GRM5: variants seen among roughly 807,000 people sequenced by gnomAD.
The protein encoded by GRM5 is glutamate metabotropic receptor 5.
Under a neutral mutation model 83.1 loss-of-function variants are expected in GRM5, and 19 were observed. That is an observed-to-expected ratio of 0.23 (90% CI 0.16 to 0.34). The LOEUF is 0.34. Ranked by LOEUF, GRM5 falls within the 10% of genes least tolerant of loss-of-function variation. The pLI is 1.00. For synonymous variants in GRM5, 675 were observed against 633.6 expected (o/e 1.07, Z -0.98); for missense variants, 1,160 against 1,588.3 (o/e 0.73, Z 4.58).
intron 3 of GRM5, among the ~76,000 whole-genome samples, chr11:88,823,730 A>G (rs2135512211): frequency 6.6e-6 from 1 of 152,226 alleles, no homozygotes; most frequent in South Asian, 2.1e-4. Flanking sequence ...CCAACTGGAG[A>G]AGAGAACTTG....
intron 3 of GRM5, among the ~76,000 whole-genome samples, chr11:88,786,836 G>A (rs1453881566): frequency 6.6e-6 from 1 of 151,972 alleles, no homozygotes; most frequent in Non-Finnish European, 1.5e-5. Flanking sequence ...GAAGACAGGG[G>A]CTTCTGTTCG....
intron 7 of GRM5, among the ~76,000 whole-genome samples, chr11:88,576,601 T>C (rs1461929626): frequency 6.6e-6 from 1 of 152,142 alleles, no homozygotes; most frequent in African/African-American, 2.4e-5. Context: ...TTTTTTCATA[T>C]ATAAAATGAA....
At chr11:88,974,437 G>A (rs1470261644) in intron 2 of GRM5, among the ~76,000 whole-genome samples, 2 of 146,514 alleles carry the variant, frequency 1.4e-5, no homozygotes, top group African/African-American at 5.2e-5. Flanking sequence ...TGTATTTAGA[G>A]AGCCTAGCAC....
At chr11:88,948,367 C>G (rs1938347974) in intron 2 of GRM5, among the ~76,000 whole-genome samples, 1 of 152,190 alleles carries the variant, frequency 6.6e-6, no homozygotes, top group African/African-American at 2.4e-5. Context: ...AGACAGGTGG[C>G]TACAGTTTCA....
chr11:88,917,112 T>G (rs1402234209), intron 2 of GRM5, among the ~76,000 whole-genome samples: 4 of 152,204 alleles, frequency 2.6e-5, no homozygotes, highest in African/African-American at 7.2e-5. Context: ...GTGACACCCC[T>G]TCTCCAACTT....
At chr11:88,847,820 T>C (rs1944325207) in intron 3 of GRM5, among the ~76,000 whole-genome samples, 1 of 152,174 alleles carries the variant, frequency 6.6e-6, no homozygotes, top group Non-Finnish European at 1.5e-5. Context: ...GTTTATCATA[T>C]ACAAAATAGA....
intron 4 of GRM5, among the ~76,000 whole-genome samples, chr11:88,649,443 T>C (rs1430727470): frequency 1.4e-5 from 2 of 144,076 alleles, no homozygotes; most frequent in Non-Finnish European, 3.0e-5. Flanking sequence ...ATTTATTATG[T>C]ATTATATATT....
At chr11:88,751,495 GACAGATTC>G (rs1157718065) in intron 3 of GRM5, among the ~76,000 whole-genome samples, 5 of 152,114 alleles carry the variant, frequency 3.3e-5, no homozygotes, top group South Asian at 4.1e-4. Context: ...CTCAGGACCA[GACAGATTC>G]ACAGCTGAAT....
intron 4 of GRM5, among the ~76,000 whole-genome samples, chr11:88,622,368 T>G (rs897007088): frequency 6.6e-6 from 1 of 152,344 alleles, no homozygotes; most frequent in Non-Finnish European, 1.5e-5. Flanking sequence ...CCCAGTTCAA[T>G]CTGACTCTTT....
intron 3 of GRM5, among the ~76,000 whole-genome samples, chr11:88,748,614 G>T (rs1281158394): frequency 6.6e-6 from 1 of 152,094 alleles, no homozygotes; most frequent in Admixed American, 6.6e-5. Context: ...TCTCTGGGCA[G>T]GTCCCTGATC....
At chr11:88,994,519 A>G (rs1209313147) in intron 2 of GRM5, among the ~76,000 whole-genome samples, 1 of 142,622 alleles carries the variant, frequency 7.0e-6, no homozygotes, top group Non-Finnish European at 1.5e-5. Context: ...TATGACAATA[A>G]TATAGACATT....
At chr11:88,875,354 T>C (rs769774287) in intron 2 of GRM5, among the ~76,000 whole-genome samples, 1 of 152,016 alleles carries the variant, frequency 6.6e-6, no homozygotes, top group Non-Finnish European at 1.5e-5. Context: ...TAAGATTGTA[T>C]AAATTCACAT....
intron 2 of GRM5, among the ~76,000 whole-genome samples, chr11:89,032,823 C>T (rs1941293231): frequency 6.6e-6 from 1 of 152,000 alleles, no homozygotes; most frequent in Non-Finnish European, 1.5e-5. Flanking sequence ...ACTCAGAGCT[C>T]CCACTGTTAG....
intron 1 of GRM5, among the ~76,000 whole-genome samples, chr11:89,056,028 A>G (rs983969636): frequency 8.5e-5 from 13 of 152,184 alleles, no homozygotes; most frequent in African/African-American, 1.7e-4. Flanking sequence ...TATCAGTTGC[A>G]TGGCATTCAA....
chr11:88,539,708 A>T (rs1421176265), intron 8 of GRM5, among the ~76,000 whole-genome samples: 1 of 120,790 alleles, frequency 8.3e-6, no homozygotes, highest in East Asian at 2.0e-4. Context: ...TCTTACCTCC[A>T]TCTGGACCTA....
intron 3 of GRM5, among the ~76,000 whole-genome samples, chr11:88,719,568 G>A (rs934284059): frequency 1.3e-5 from 2 of 152,042 alleles, no homozygotes; most frequent in South Asian, 2.1e-4. Flanking sequence ...ATATTTTGGG[G>A]TATATACCCA....
At chr11:88,971,055 A>G (rs1215771979) in intron 2 of GRM5, among the ~76,000 whole-genome samples, 1 of 151,446 alleles carries the variant, frequency 6.6e-6, no homozygotes, top group East Asian at 1.9e-4. Flanking sequence ...GGCAGGACTG[A>G]ATAAATTAGG....
chr11:88,781,771 A>G (rs1942980736), intron 3 of GRM5, among the ~76,000 whole-genome samples: 1 of 152,184 alleles, frequency 6.6e-6, no homozygotes, highest in Non-Finnish European at 1.5e-5. Flanking sequence ...GGAAACTAGC[A>G]TCATGGATTA....
At chr11:89,051,856 C>A (rs1168905812) in intron 1 of GRM5, among the ~76,000 whole-genome samples, 1 of 152,084 alleles carries the variant, frequency 6.6e-6, no homozygotes, top group Non-Finnish European at 1.5e-5. Flanking sequence ...TATAAAGAAA[C>A]CTGTAATAAT....
Sources: gnomAD v4.1 joint callset for allele counts (sites outside exome capture counted in the v4.1 genomes callset) on GRCh38, gnomAD v4.1.1 for gene constraint, MANE v1.5 for transcripts, NCBI Gene and HGNC (gene_info 2026-07-23, HGNC 2026-07-21) for gene names.